The following AP3B1 variants were observed in gnomAD, a reference collection of about 807,000 sequenced individuals.
The protein encoded by AP3B1 is AP-3 complex subunit beta-1.
AP3B1 carries 61 observed loss-of-function variants against 132.5 expected under a neutral mutation model. That is an observed-to-expected ratio of 0.46 (90% CI 0.37 to 0.57). AP3B1 has a LOEUF of 0.57. Ranked by LOEUF, AP3B1 falls within the 20% of genes least tolerant of loss-of-function variation. The probability of loss-of-function intolerance (pLI) is 0.00; values close to 1 mark genes in which losing one functional copy is unlikely to be tolerated. For missense variants in AP3B1, 1,120 were observed against 1,289.4 expected (o/e 0.87, Z 2.01); for synonymous variants, 388 against 438.3 (o/e 0.89, Z 1.43).
intron 24 of AP3B1, among the ~76,000 whole-genome samples, chr5:78,029,418 C>T (rs1456616206): frequency 3.9e-5 from 6 of 152,038 alleles, no homozygotes; most frequent in Admixed American, 1.3e-4. Flanking sequence ...CACACACACA[C>T]TTCATCTATC....
intron 22 of AP3B1, chr5:78,041,939 C>A: frequency 4.9e-6 from 1 of 202,830 alleles, no homozygotes. Context: ...CTTTTCCCAT[C>A]AAACTCCTTG....
chr5:78,156,234 A>C (rs1235967820), intron 14 of AP3B1, 24 bp downstream of exon 14: 5 of 1,525,392 alleles, frequency 3.3e-6, no homozygotes, highest in South Asian at 1.1e-5. Flanking sequence ...AAAATTCAGC[A>C]AACATCTCTT....
At chr5:78,156,219 T>G (rs1218141526) in intron 14 of AP3B1, 39 bp downstream of exon 14, 1 of 1,427,378 alleles carries the variant, frequency 7.0e-7, no homozygotes, top group East Asian at 2.3e-5. Context: ...TACAACTTAC[T>G]GAATAAAATT....
At chr5:78,110,123 C>T in intron 20 of AP3B1, 84 bp downstream of exon 20, 3 of 1,212,390 alleles carry the variant, frequency 2.5e-6, no homozygotes, top group Admixed American at 2.0e-5. Context: ...AATAAAATCA[C>T]AGGAGTAGAT....
At chr5:78,287,583 T>A (rs1464357321) in intron 1 of AP3B1, among the ~76,000 whole-genome samples, 1 of 152,108 alleles carries the variant, frequency 6.6e-6, no homozygotes, top group African/African-American at 2.4e-5. Context: ...AAACTTACGA[T>A]CTTATTTTTA....
chr5:78,054,443 A>G (rs1005768239), intron 22 of AP3B1, among the ~76,000 whole-genome samples: 5 of 152,206 alleles, frequency 3.3e-5, no homozygotes, highest in Non-Finnish European at 4.4e-5. Context: ...ATGAGGATGA[A>G]AACAGAATGG....
Position 78,188,203 on chromosome 5 carries a change from C to T in AP3B1, c.787-6541G>A, listed in dbSNP as rs1442007346. On this transcript the variant is annotated intron_variant, in intron 7 of 26. Transcript: ENST00000255194. ...GACTTTATGATGAAATTGCCAAAAGCAACTGCAACAAAAGCAAAAATTGAC... is the reference window on the plus strand; with the variant it reads ...GACTTTATGATGAAATTGCCAAAAGTAACTGCAACAAAAGCAAAAATTGAC... 2.0e-5 allele frequency among the ~76,000 whole-genome samples: 3 copies of T among 152,154 alleles called. No individual in the cohort carries two copies. In the South Asian group the frequency reaches 6.2e-4, roughly 32 times the overall value.
Position 78,044,474 on chromosome 5 carries a change from G to T in AP3B1, c.2578-5200C>A, listed in dbSNP as rs1748237458. Among the ~76,000 whole-genome samples, 3 of 152,172 alleles carry T rather than the reference G, an allele frequency of 2.0e-5. No homozygotes were observed. The South Asian group carries it at 6.2e-4, about 32-fold the overall frequency. On this transcript the variant is annotated intron_variant, in intron 22 of 26. Coordinates refer to ENST00000255194, the MANE Select transcript of AP3B1 (RefSeq NM_003664.5). The stretch of plus-strand genomic sequence containing the variant: ...GTTATCAAATCATTAAATAAATGTT[G>T]ATGTAGCCAGCTTTATCTCTGTGGA...
intron 22 of AP3B1, among the ~76,000 whole-genome samples, chr5:78,086,464 G>T (rs151256482): frequency 6.4e-4 from 97 of 152,296 alleles, no homozygotes; most frequent in African/African-American, 2.2e-3. Context: ...GAGGCACTGG[G>T]AGGTAAACTG....
chr5:78,254,508 G>A (rs1367992641), intron 2 of AP3B1, among the ~76,000 whole-genome samples: 1 of 152,166 alleles, frequency 6.6e-6, no homozygotes, highest in African/African-American at 2.4e-5. Context: ...CCAATATGGT[G>A]GCAGTAGACT....
Position 78,039,178 on chromosome 5 carries a change from G to T in AP3B1, c.2674C>A (p.Pro892Thr), listed in dbSNP as rs2112100401. ...ACCATCTTATCACCAAAAATGCAAG[G>T]CTGTCTTGGAAAGAAATAATGGGCA... is the stretch of plus-strand genomic sequence containing the variant. ...LAAHYFFPRQPCIFGDKMVSI... is the reference protein window; with the variant it reads ...LAAHYFFPRQTCIFGDKMVSI... The change falls in exon 23 of 27, where the codon CCT (proline) becomes ACT (threonine). Residue 892 changes from proline to threonine, a missense_variant. Around this residue, in one of 3 missense-constraint regions of AP3B1, gnomAD observed 906 missense variants for 997.1 expected, o/e 0.91. Coordinates refer to ENST00000255194, the MANE Select transcript of AP3B1 (RefSeq NM_003664.5). 1 of 1,613,978 alleles carries T rather than the reference G, an allele frequency of 6.2e-7. No homozygotes were observed. Among genetic ancestry groups the T allele is most frequent in the Non-Finnish European group, 8.5e-7 (1 of 1,179,936 alleles).
intron 2 of AP3B1, among the ~76,000 whole-genome samples, chr5:78,251,528 C>T (rs1364318795): frequency 1.3e-5 from 2 of 152,168 alleles, no homozygotes; most frequent in Admixed American, 6.5e-5. Context: ...TCTCTGGGCA[C>T]TGGGGAAGGG....
intron 13 of AP3B1, among the ~76,000 whole-genome samples, chr5:78,160,726 T>C (rs903604366): frequency 1.3e-5 from 2 of 152,164 alleles, no homozygotes; most frequent in Middle Eastern, 3.4e-3. Flanking sequence ...TTCCTAAAAG[T>C]AGATCTTTTA....
intron 23 of AP3B1, among the ~76,000 whole-genome samples, chr5:78,036,423 C>T (rs138048552): frequency 2.0e-3 from 303 of 152,198 alleles, no homozygotes; most frequent in Non-Finnish European, 3.3e-3. Flanking sequence ...GGCTCTGTTA[C>T]GCCACAACAT....
chr5:78,283,238 C>T (rs917721025), intron 1 of AP3B1, among the ~76,000 whole-genome samples: 42 of 152,128 alleles, frequency 2.8e-4, no homozygotes, highest in African/African-American at 9.7e-4. Context: ...CATTTATTAA[C>T]TCTGTGCCAC....
intron 3 of AP3B1, among the ~76,000 whole-genome samples, chr5:78,239,631 T>C (rs1487759155): frequency 6.6e-6 from 1 of 151,088 alleles, no homozygotes; most frequent in African/African-American, 2.4e-5. Context: ...TATAAAAAAC[T>C]AGCCAAGCAT....
chr5:78,107,603 C>T (rs1469999766), intron 20 of AP3B1, among the ~76,000 whole-genome samples: 2 of 152,086 alleles, frequency 1.3e-5, no homozygotes, highest in Non-Finnish European at 2.9e-5. Context: ...GAGTCTTACA[C>T]AGAGCTGCGT....
intron 22 of AP3B1, among the ~76,000 whole-genome samples, chr5:78,059,177 C>T (rs952662183): frequency 1.3e-5 from 2 of 152,146 alleles, no homozygotes; most frequent in African/African-American, 2.4e-5. Context: ...CAGAGTGATA[C>T]AGCATGAAAA....
intron 6 of AP3B1, among the ~76,000 whole-genome samples, chr5:78,217,719 T>A (rs948829215): frequency 6.6e-6 from 1 of 152,044 alleles, no homozygotes. Context: ...TTGTGAGATA[T>A]AAACATCTAT....
Sources: allele counts gnomAD v4.1 joint callset (sites outside exome capture counted in the v4.1 genomes callset), GRCh38; gene constraint gnomAD v4.1.1; regional missense constraint gnomAD v4.1.1; transcripts MANE v1.5; gene names NCBI Gene and HGNC (gene_info 2026-07-23, HGNC 2026-07-21).